The following NRXN3 variants were observed in gnomAD, a reference collection of about 807,000 sequenced individuals.
The protein encoded by NRXN3 is neurexin III.
Under a neutral mutation model 137.6 loss-of-function variants are expected in NRXN3, and 32 were observed. The ratio of observed to expected loss-of-function variants is 0.23; its 90% CI spans 0.18 to 0.31. NRXN3 has a LOEUF of 0.31. Ranked by LOEUF, NRXN3 falls within the 10% of genes least tolerant of loss-of-function variation. NRXN3 has a pLI of 1.00. For synonymous variants in NRXN3, 798 were observed against 784.5 expected, an observed-to-expected ratio of 1.02 and a Z score of -0.29; for missense variants, 1,574 against 2,062.5, an observed-to-expected ratio of 0.76 and a Z score of 4.59.
At chr14:79,263,480 C>T (rs2077954350) in intron 15 of NRXN3, among the ~76,000 whole-genome samples, 1 of 152,082 alleles carries the variant, frequency 6.6e-6, no homozygotes, top group Non-Finnish European at 1.5e-5. Context: ...TAACCAGAGA[C>T]AAGCAGGAAC....
At chr14:78,898,555 G>A (rs1005401832) in intron 10 of NRXN3, among the ~76,000 whole-genome samples, 1 of 10,986 alleles carries the variant, frequency 9.1e-5, no homozygotes. Flanking sequence ...GCTGGGTTTC[G>A]TGTGTGTGTG....
chr14:78,770,854 G>C (rs73317994), intron 8 of NRXN3, among the ~76,000 whole-genome samples: 2 of 152,108 alleles, frequency 1.3e-5, no homozygotes, highest in Non-Finnish European at 2.9e-5. Flanking sequence ...TGGGGTTGGG[G>C]GGGGTACAGC....
chr14:79,336,716 C>G (rs549697232), intron 15 of NRXN3, among the ~76,000 whole-genome samples: 6 of 152,212 alleles, frequency 3.9e-5, no homozygotes, highest in Non-Finnish European at 7.4e-5. Flanking sequence ...AAGCAAGGCC[C>G]CCTAATTGAA....
Position 78,709,385 on chromosome 14 carries a change from A to G in NRXN3, c.1390A>G (p.Asn464Asp), listed in dbSNP as rs2098387001. 3 of 1,614,168 alleles carry G rather than the reference A, an allele frequency of 1.9e-6. No homozygotes were observed. The highest frequency in any genetic ancestry group is 2.5e-6 in the Non-Finnish European group (3 of 1,180,020). ...PEAYISLPKW[N>D]TKRMGSISFD... ...GGCTTACATCAGCTTGCCCAAGTGG[A>G]ACACTAAACGTATGGGCTCCATCTC... Residue 464 changes from asparagine (N) to aspartate (D), a missense_variant, in exon 7 of 21, where the codon AAC (asparagine) becomes GAC (aspartate). This residue lies in a region of NRXN3 where 718 missense variants were observed against 887.6 expected (regional missense o/e 0.81). Transcript: ENST00000335750.
chr14:79,545,927 C>T lies in NRXN3; in HGVS notation c.3444+78525C>T, dbSNP rs962531955. Among the ~76,000 whole-genome samples the T allele has an allele frequency of 7.2e-5, 11 of 151,906 alleles. 1 individual carries two copies. In the South Asian group the frequency reaches 8.3e-4, roughly 11 times the overall value. ...ATTCCCATGTGTTGTGGGAGGGACC[C>T]GGTGGGAGGTAATTGAATCATGGGG... On this transcript the variant is annotated intron_variant, in intron 16 of 20. Transcript: ENST00000335750.
chr14:79,549,561 GC>G (rs1161512738), intron 16 of NRXN3, among the ~76,000 whole-genome samples: 1 of 151,976 alleles, frequency 6.6e-6, no homozygotes, highest in Admixed American at 6.6e-5. Flanking sequence ...TGAGTTTAGG[GC>G]CCTGGAATAA....
In NRXN3 at chr14:79,867,051, G is replaced by C. The variant is rs971663419; in HGVS notation, c.*5087G>C. On this transcript the variant is annotated 3_prime_UTR_variant, in exon 21 of 21. Transcript: ENST00000335750. ...TTTTTTCTTTTATTGTTGAAATAGT[G>C]AGGGCACGTATTTTTCTAATTGTGT... 4 of 152,158 alleles carry C rather than the reference G, an allele frequency of 2.6e-5. No homozygotes were observed. Among genetic ancestry groups the C allele is most frequent in the African/African-American group, 9.7e-5 (4 of 41,432 alleles). The allele number at this position is 152,158 out of a possible 1,614,324, so 9.4% of individuals were successfully genotyped here. A position where few individuals can be genotyped will look rare whatever the true frequency, so the allele number is the denominator to read the frequency against.
intron 16 of NRXN3, among the ~76,000 whole-genome samples, chr14:79,607,422 G>A (rs1467789797): frequency 6.6e-6 from 1 of 152,192 alleles, no homozygotes; most frequent in African/African-American, 2.4e-5. Flanking sequence ...AGACTGTATA[G>A]CTGCAGATGC....
rs1555397109 is a variant in NRXN3, at chr14:78,192,105, TGTGA to T, written c.-704+21433_-704+21436del. 1.5e-3 allele frequency among the ~76,000 whole-genome samples: 210 copies of T among 136,452 alleles called. 1 individual carries two copies. Among genetic ancestry groups the T allele is most frequent in the Middle Eastern group, 3.8e-3 (1 of 266 alleles). The allele number at this position is 136,452 out of a possible 152,430, so 89.5% of individuals were successfully genotyped here. A position where few individuals can be genotyped will look rare whatever the true frequency, so the allele number is the denominator to read the frequency against. On this transcript the variant is annotated intron_variant, in intron 1 of 20. Coordinates refer to ENST00000335750, the MANE Select transcript of NRXN3 (RefSeq NM_001330195.2). ...GTGTGTGTGTGTGTGTGTGTGTGTG[TGTGA>T]GAGAGAGAGCATACATGTGTGCAAG... is the stretch of plus-strand genomic sequence containing the variant.
chr14:79,455,266 T>C (rs2096242828), intron 15 of NRXN3, among the ~76,000 whole-genome samples: 1 of 152,204 alleles, frequency 6.6e-6, no homozygotes, highest in African/African-American at 2.4e-5. Context: ...TGGTGATGTC[T>C]GTTTTATAAG....
intron 15 of NRXN3, among the ~76,000 whole-genome samples, chr14:79,253,753 C>G (rs1272503503): frequency 2.0e-5 from 3 of 152,210 alleles, no homozygotes; most frequent in Non-Finnish European, 4.4e-5. Flanking sequence ...GATGAACTCA[C>G]TCACTATCAT....
intron 16 of NRXN3, among the ~76,000 whole-genome samples, chr14:79,630,417 C>G (rs1259842203): frequency 3.3e-5 from 5 of 152,232 alleles, no homozygotes; most frequent in Non-Finnish European, 5.9e-5. Context: ...CAAGAGGGTG[C>G]TGCTTATCTG....
intron 20 of NRXN3, among the ~76,000 whole-genome samples, chr14:79,825,250 T>C (rs1159039): frequency 0.3 from 44,748 of 148,150 alleles, 7,535 homozygotes; most frequent in Admixed American, 0.42. Context: ...TTTCAAATTA[T>C]ATGTGGATTT....
chr14:79,529,630 T>TA (rs2097152326), intron 16 of NRXN3, among the ~76,000 whole-genome samples: 1 of 152,224 alleles, frequency 6.6e-6, no homozygotes, highest in African/African-American at 2.4e-5. Flanking sequence ...ACATTAAAAA[T>TA]AAACTTTGAA....
At chr14:79,510,952 G>A (rs1057515309) in intron 16 of NRXN3, among the ~76,000 whole-genome samples, 2 of 152,156 alleles carry the variant, frequency 1.3e-5, no homozygotes, top group African/African-American at 4.8e-5. Flanking sequence ...CAGCTGTTGA[G>A]CAAGAGACTC....
chr14:79,231,300 T>C (rs2072146480), intron 15 of NRXN3, among the ~76,000 whole-genome samples: 1 of 152,194 alleles, frequency 6.6e-6, no homozygotes, highest in Admixed American at 6.5e-5. Context: ...ATTCCCTTAA[T>C]ATGATTAGTT....
chr14:79,709,825 G>T (rs1288972790), intron 19 of NRXN3, among the ~76,000 whole-genome samples: 1 of 152,064 alleles, frequency 6.6e-6, no homozygotes. Flanking sequence ...GAGAGAGGAA[G>T]ATGCATGAAA....
intron 16 of NRXN3, among the ~76,000 whole-genome samples, chr14:79,511,719 G>A (rs2096934179): frequency 6.6e-6 from 1 of 152,228 alleles, no homozygotes; most frequent in East Asian, 1.9e-4. Flanking sequence ...GAGGACTATG[G>A]TTTGTGCCTG....
chr14:78,687,779 G>GACATGAC (rs2098136583), intron 6 of NRXN3, among the ~76,000 whole-genome samples: 2 of 152,146 alleles, frequency 1.3e-5, no homozygotes, highest in Admixed American at 1.3e-4. Context: ...ATTTGGCCTC[G>GACATGAC]ACATGACACA....
Sources: allele counts gnomAD v4.1 joint callset (sites outside exome capture counted in the v4.1 genomes callset), GRCh38; gene constraint gnomAD v4.1.1; regional missense constraint gnomAD v4.1.1; transcripts MANE v1.5; gene names NCBI Gene and HGNC (gene_info 2026-07-23, HGNC 2026-07-21).